DNAH8: variants seen among roughly 807,000 people sequenced by gnomAD.
DNAH8 encodes the protein dynein axonemal heavy chain 8.
DNAH8 carries 382 observed loss-of-function variants against 562.1 expected under a neutral mutation model. The ratio of observed to expected loss-of-function variants is 0.68; its 90% CI spans 0.63 to 0.74. The LOEUF (loss-of-function observed/expected upper bound fraction) is 0.74, where lower values mean the gene tolerates loss of function less well. Among genes scored for constraint, DNAH8 ranks in the 30% least tolerant of loss-of-function variants. DNAH8 has a pLI of 0.00. For synonymous variants in DNAH8, 1,881 were observed against 1,919.4 expected (o/e 0.98, Z 0.52); for missense variants, 5,203 against 5,620.4 (o/e 0.93, Z 2.37).
At chr6:38,978,263 A>G (rs561259910) in intron 85 of DNAH8, among the ~76,000 whole-genome samples, 2 of 152,306 alleles carry the variant, frequency 1.3e-5, no homozygotes, top group Non-Finnish European at 2.9e-5. Flanking sequence ...CTTAAAAATT[A>G]CTTAGATAGT....
At chr6:38,934,110 T>C (rs961557402) in intron 76 of DNAH8, among the ~76,000 whole-genome samples, 1 of 151,920 alleles carries the variant, frequency 6.6e-6, no homozygotes, top group Non-Finnish European at 1.5e-5. Flanking sequence ...CCTAGCACTT[T>C]GGAAGGTTGA....
At position 38,851,608 on chromosome 6, in the gene DNAH8, C is replaced by A. The variant is rs1775751708; in HGVS notation, c.5400C>A (p.Phe1800Leu). ...LEKKRLLFPR[F>L]FFVSDPVLLE... ...AGAAACGATTACTGTTTCCAAGATT[C>A]TTCTTTGTATCTGATCCAGTTCTCC... Residue 1800 changes from phenylalanine to leucine, a missense_variant, in exon 39 of 93, where the codon TTC becomes TTA. By Grantham distance (22) the Phe-to-Leu change is conservative. This residue lies in a region of DNAH8 where 2,176 missense variants were observed against 2,365.1 expected (regional missense o/e 0.92). Coordinates refer to ENST00000327475, the MANE Select transcript of DNAH8 (RefSeq NM_001206927.2). 1 of 1,611,854 alleles carries A rather than the reference C, an allele frequency of 6.2e-7. No individual in the cohort carries two copies. The highest frequency in any genetic ancestry group is 8.5e-7 in the Non-Finnish European group (1 of 1,179,166).
chr6:38,756,021 T>G lies in DNAH8; in HGVS notation c.1457T>G (p.Ile486Ser), dbSNP rs1397284571. The G allele has an allele frequency of 6.2e-7, 1 of 1,611,704 alleles. No individual in the cohort carries two copies. Among genetic ancestry groups the G allele is most frequent in the Non-Finnish European group, 8.5e-7 (1 of 1,178,220 alleles). The change falls in exon 10 of 93, where the codon ATT (isoleucine) becomes AGT (serine). Residue 486 changes from isoleucine (I) to serine (S), a missense_variant. Coordinates refer to ENST00000327475, the MANE Select transcript of DNAH8 (RefSeq NM_001206927.2). ...IQNLINAIRM[I>S]HGVSRYYNTS... ...AATTTGATTAATGCCATCAGAATGATTCACGGTGTGTCAAGGTATTATAAT... is the reference window on the plus strand; with the variant it reads ...AATTTGATTAATGCCATCAGAATGAGTCACGGTGTGTCAAGGTATTATAAT...
intron 8 of DNAH8, among the ~76,000 whole-genome samples, chr6:38,745,677 A>AT (rs1243382132): frequency 2.6e-5 from 4 of 152,186 alleles, no homozygotes; most frequent in African/African-American, 9.6e-5. Flanking sequence ...CCAGGATCCT[A>AT]TTTACATTTG....
At chr6:38,799,429 G>C (rs1362001578) in intron 21 of DNAH8, among the ~76,000 whole-genome samples, 1 of 151,888 alleles carries the variant, frequency 6.6e-6, no homozygotes, top group African/African-American at 2.4e-5. Context: ...ATGCTCTCAT[G>C]CTTTCCTTGC....
intron 40 of DNAH8, 102 bp downstream of exon 40, chr6:38,852,900 T>G (rs1392085445): frequency 4.6e-6 from 4 of 877,626 alleles, no homozygotes; most frequent in Non-Finnish European, 7.2e-6. Flanking sequence ...GAGAGGGAGT[T>G]CTCATTCTAC....
intron 55 of DNAH8, 62 bp downstream of exon 55, chr6:38,883,518 T>C (rs1778673268): frequency 6.8e-7 from 1 of 1,480,268 alleles, no homozygotes; most frequent in South Asian, 1.3e-5. Context: ...GTGGTTACAA[T>C]AAAATGTGTA....
At chr6:39,012,123 G>C (rs902148000) in intron 89 of DNAH8, 92 bp from the exon 90 acceptor site, 2 of 935,342 alleles carry the variant, frequency 2.1e-6, no homozygotes, top group Middle Eastern at 3.5e-4. Flanking sequence ...GATACATCTA[G>C]AGGAAGAAAA....
intron 41 of DNAH8, among the ~76,000 whole-genome samples, chr6:38,855,559 G>T (rs1776130706): frequency 1.3e-5 from 2 of 152,010 alleles, no homozygotes; most frequent in Admixed American, 6.6e-5. Flanking sequence ...GCATAGTGAT[G>T]TTTTGATGTG....
intron 14 of DNAH8, among the ~76,000 whole-genome samples, chr6:38,779,061 C>G (rs1768328834): frequency 6.6e-6 from 1 of 152,116 alleles, no homozygotes; most frequent in Non-Finnish European, 1.5e-5. Context: ...TTCCCTCTAT[C>G]CTAACAGCAC....
At position 38,935,622 on chromosome 6, in the gene DNAH8, G is replaced by A. The variant is rs752663686; in HGVS notation, c.11488G>A (p.Glu3830Lys). The change falls in exon 77 of 93, where the codon GAG becomes AAG. Residue 3830 changes from glutamate to lysine, a missense_variant. Glu to Lys is a moderately conservative substitution (Grantham distance 56). Around this residue, in one of 6 missense-constraint regions of DNAH8, gnomAD observed 1,399 missense variants for 1,518.4 expected, o/e 0.92. Transcript: ENST00000327475. ...ELEAERVKLL[E>K]DVTFNKRKMK... is the part of the protein sequence containing the mutation. ...AGAGGCTGAGAGGGTTAAACTTTTGGAGGATGTTACTTTTAATAAGCGGAA... is the reference window on the plus strand; with the variant it reads ...AGAGGCTGAGAGGGTTAAACTTTTGAAGGATGTTACTTTTAATAAGCGGAA... 6.2e-7 allele frequency: 1 copy of A among 1,612,926 alleles called. No individual in the cohort carries two copies. The highest frequency in any genetic ancestry group is 1.1e-5 in the South Asian group (1 of 90,840).
chr6:38,733,161 G>T (rs1763789734), intron 4 of DNAH8, among the ~76,000 whole-genome samples: 1 of 151,868 alleles, frequency 6.6e-6, no homozygotes, highest in South Asian at 2.1e-4. Flanking sequence ...CAAAGTGCTG[G>T]GATTATAGGT....
chr6:39,012,391 G>A, intron 90 of DNAH8, 24 bp downstream of exon 90: 1 of 1,608,164 alleles, frequency 6.2e-7, no homozygotes, highest in Non-Finnish European at 8.5e-7. Flanking sequence ...ACATCAGTAG[G>A]CATTTCCTTC....
chr6:38,746,202 C>A (rs559797068), intron 8 of DNAH8, among the ~76,000 whole-genome samples: 1 of 152,206 alleles, frequency 6.6e-6, no homozygotes, highest in African/African-American at 2.4e-5. Context: ...TTAATATAGC[C>A]TCATGGGTAT....
In DNAH8 at chr6:38,848,704, C is replaced by T. The variant is rs1309454133; in HGVS notation, c.5102C>T (p.Ser1701Phe). Residue 1701 changes from serine to phenylalanine, a missense_variant, in exon 37 of 93, where the codon TCC becomes TTC. Around this residue, in one of 6 missense-constraint regions of DNAH8, gnomAD observed 2,176 missense variants for 2,365.1 expected, o/e 0.92. Transcript: ENST00000327475. ...IQNWVYKLST[S>F]SDIIEEWLVV... ...AATTGGGTGTATAAATTGTCCACTT[C>T]CTCAGATATAATTGAAGAGTGGCTC... 1.9e-6 allele frequency: 3 copies of T among 1,611,966 alleles called. No homozygotes were observed. Among genetic ancestry groups the T allele is most frequent in the East Asian group, 2.2e-5 (1 of 44,842 alleles).
At chr6:38,937,218 G>T (rs976646765) in intron 77 of DNAH8, among the ~76,000 whole-genome samples, 6 of 63,778 alleles carry the variant, frequency 9.4e-5, no homozygotes, top group East Asian at 4.3e-4. Context: ...GTAGGGGTCT[G>T]GGGGGAGGGA....
Position 38,870,547 on chromosome 6 carries a change from C to T in DNAH8, c.6975C>T (p.Asn2325=). 6.2e-7 allele frequency: 1 copy of T among 1,613,810 alleles called. No homozygotes were observed. The highest frequency in any genetic ancestry group is 8.5e-7 in the Non-Finnish European group (1 of 1,179,892). Residue 2325 remains asparagine, a synonymous_variant, in exon 49 of 93, where the codon AAC becomes AAT. Transcript: ENST00000327475. ...IEGLINHPPW[N]LKLVQLYETS... The stretch of plus-strand genomic sequence containing the variant: ...GTTTGATTAACCATCCACCCTGGAA[C>T]CTGAAACTCGTGCAGGTAAAGACAT...
At chr6:38,754,332 G>T (rs1240821259) in intron 9 of DNAH8, among the ~76,000 whole-genome samples, 3 of 151,976 alleles carry the variant, frequency 2.0e-5, no homozygotes, top group Non-Finnish European at 2.9e-5. Context: ...ACTTAGGAAG[G>T]GTGGAAGGGA....
chr6:39,012,577 A>T lies in DNAH8; in HGVS notation c.13654A>T (p.Thr4552Ser), dbSNP rs780029779. The stretch of plus-strand genomic sequence containing the variant: ...TTTGGAAAGAAATGCTCAGTTTTCT[A>T]CGTGGATATTTGAAGGGAGGCCTAA... ...ELLERNAQFS[T>S]WIFEGRPNVF... Residue 4552 changes from threonine (T) to serine (S), a missense_variant, in exon 91 of 93, where the codon ACG becomes TCG. Transcript: ENST00000327475. The T allele has an allele frequency of 6.2e-7, 1 of 1,613,946 alleles. No individual in the cohort carries two copies. Among genetic ancestry groups the T allele is most frequent in the African/African-American group, 1.3e-5 (1 of 74,930 alleles).
Sources: gnomAD v4.1 joint callset for allele counts (sites outside exome capture counted in the v4.1 genomes callset) on GRCh38, gnomAD v4.1.1 for gene constraint, gnomAD v4.1.1 regional missense constraint, MANE v1.5 for transcripts, NCBI Gene and HGNC (gene_info 2026-07-23, HGNC 2026-07-21) for gene names.